The following VPS13C variants were observed in gnomAD, a reference collection of about 807,000 sequenced individuals.
The protein encoded by VPS13C is intermembrane lipid transfer protein VPS13C.
In VPS13C, 358 loss-of-function variants were observed where a neutral mutation model predicts 456.8. That is an observed-to-expected ratio of 0.78 (90% CI 0.72 to 0.86). The LOEUF is 0.86. Ranked by LOEUF, VPS13C falls within the 40% of genes least tolerant of loss-of-function variation. The pLI, the probability that VPS13C is intolerant of heterozygous loss-of-function variation, is 0.00. For missense variants in VPS13C, 4,818 were observed against 4,385.4 expected (o/e 1.10, Z -2.79); for synonymous variants, 1,578 against 1,486.7 (o/e 1.06, Z -1.41).
At position 61,854,885 on chromosome 15, in the gene VPS13C, T is replaced by G. The variant is rs1271672738; in HGVS notation, c.11146A>C (p.Thr3716Pro). The G allele has an allele frequency of 3.7e-6, 6 of 1,613,194 alleles. No individual in the cohort carries two copies. The East Asian group carries it at 1.3e-4, about 36-fold the overall frequency. ...AAATTGTTTACCTCTGCTGTGGCGGTGTCCTTCAGGTAAACTTTTCGAACA... is the reference window on the plus strand; with the variant it reads ...AAATTGTTTACCTCTGCTGTGGCGGGGTCCTTCAGGTAAACTTTTCGAACA... ...GCVRKVYLKD[T>P]ATAERACNAI... is the part of the protein sequence containing the mutation. The change falls in exon 84 of 85, where the codon ACC becomes CCC. Residue 3716 changes from threonine (T) to proline (P), a missense_variant. Around this residue, in one of 3 missense-constraint regions of VPS13C, gnomAD observed 261 missense variants for 234.1 expected, o/e 1.11. Transcript: ENST00000644861.
rs1893791235 is a variant in VPS13C, at chr15:61,854,301, A to C, written c.*156T>G. On this transcript the variant is annotated 3_prime_UTR_variant, in exon 85 of 85. Transcript: ENST00000644861. ...GTTACAAAATTAGAGTAAAAACTAA[A>C]AGGTGAAAAAACTAGAAAACCCAAT... The C allele has an allele frequency of 1.4e-6, 1 of 698,286 alleles. No homozygotes were observed. The highest frequency in any genetic ancestry group is 2.6e-5 in the Admixed American group (1 of 38,378). 43.3% of individuals were successfully genotyped at this position (698,286 alleles called of 1,614,324 possible).
intron 67 of VPS13C, 61 bp from the exon 68 acceptor site, chr15:61,884,330 T>C: frequency 1.3e-6 from 2 of 1,513,498 alleles, no homozygotes; most frequent in Non-Finnish European, 1.8e-6. Context: ...TGGAACTTTA[T>C]TCAACTCCAG....
chr15:61,964,646 C>T, intron 31 of VPS13C, 53 bp downstream of exon 31: 1 of 1,500,048 alleles, frequency 6.7e-7, no homozygotes, highest in Non-Finnish European at 9.0e-7. Context: ...CCTCATTTAG[C>T]TTTAGAATTC....
intron 66 of VPS13C, among the ~76,000 whole-genome samples, chr15:61,892,675 G>C (rs2042688050): frequency 6.6e-6 from 1 of 152,198 alleles, no homozygotes; most frequent in Non-Finnish European, 1.5e-5. Context: ...ACTCTGATAA[G>C]ACAGCCACGT....
chr15:61,934,555 C>A (rs1304641754), intron 48 of VPS13C, among the ~76,000 whole-genome samples: 2 of 152,058 alleles, frequency 1.3e-5, no homozygotes, highest in African/African-American at 4.8e-5. Flanking sequence ...GAGGCACAGG[C>A]AGACTATGTT....
rs777883195 is a variant in VPS13C at position 61,941,888 on chromosome 15, A to G, written c.5328T>C (p.Ala1776=). The stretch of plus-strand genomic sequence containing the variant: ...TGATTAAACCCAGATCTGCTATAAC[A>G]GCATTAGGTGATACTGAAGACTGAG... ...IIPQSSVSPN[A]VIADLGLIRV... The change falls in exon 46 of 85, where the codon GCT becomes GCC. Residue 1776 remains alanine (A), a synonymous_variant. Transcript: ENST00000644861. 1.2e-6 allele frequency: 2 copies of G among 1,614,062 alleles called. No homozygotes were observed. Among genetic ancestry groups the G allele is most frequent in the Admixed American group, 3.3e-5 (2 of 60,022 alleles).
chr15:61,967,415 A>T lies in VPS13C; in HGVS notation c.2944T>A (p.Ser982Thr). ...SKRKPLHLIS[S>T]SDKPGLDLLK... ...AGATCTAATCCAGGTTTGTCAGAAG[A>T]GCTAATCAAGTGAAGGGGCTTCCTT... Residue 982 changes from serine to threonine, a missense_variant, in exon 29 of 85, where the codon TCT (serine) becomes ACT (threonine). By Grantham distance (58) the Ser-to-Thr change is moderately conservative. This residue lies in a region of VPS13C where 4,552 missense variants were observed against 4,130.6 expected (regional missense o/e 1.10). Transcript: ENST00000644861. The T allele has an allele frequency of 5.0e-6, 8 of 1,605,440 alleles. No individual in the cohort carries two copies. Among genetic ancestry groups the T allele is most frequent in the Non-Finnish European group, 6.8e-6 (8 of 1,176,178 alleles).
At position 61,858,691 on chromosome 15, in the gene VPS13C, G is replaced by C. The variant is rs189938891; in HGVS notation, c.10953-2282C>G. The stretch of plus-strand genomic sequence containing the variant: ...ACCTAAGTTCATGGACTATAAATCT[G>C]CGTAAGAGACCAAGAAGTCAGAGAT... On this transcript the variant is annotated intron_variant, in intron 82 of 84. Coordinates refer to ENST00000644861, the MANE Select transcript of VPS13C (RefSeq NM_020821.3). This position sits in a 1 kb window ranked among gnomAD's most constrained non-coding sequence, Gnocchi z 4.4. Among the ~76,000 whole-genome samples the C allele has an allele frequency of 7.2e-4, 109 of 152,266 alleles. No individual in the cohort carries two copies. The highest frequency in any genetic ancestry group is 1.5e-3 in the Admixed American group (23 of 15,286).
At position 62,023,796 on chromosome 15, in the gene VPS13C, A is replaced by G; in HGVS notation, c.498T>C (p.Gly166=). 3 of 1,610,674 alleles carry G rather than the reference A, an allele frequency of 1.9e-6. No individual in the cohort carries two copies. Among genetic ancestry groups the G allele is most frequent in the Non-Finnish European group, 2.5e-6 (3 of 1,178,066 alleles). Residue 166 remains glycine (G), a synonymous_variant, in exon 7 of 85, where the codon GGT becomes GGC. Coordinates refer to ENST00000644861, the MANE Select transcript of VPS13C (RefSeq NM_020821.3). ...TTTACCTACCTTTTGAACGATCAAG[A>G]CCTTTAAAAGGTTTCTTAAAATGTT... is the stretch of plus-strand genomic sequence containing the variant. ...HKKHFKKPFK[G]LDRSKDKPKE...
chr15:61,924,387 A>G (rs1316638339), intron 53 of VPS13C, among the ~76,000 whole-genome samples: 1 of 152,180 alleles, frequency 6.6e-6, no homozygotes, highest in Non-Finnish European at 1.5e-5. Flanking sequence ...CTAGCACTGA[A>G]AGCTGTAATC....
At position 61,911,685 on chromosome 15, in the gene VPS13C, T is replaced by A. The variant is rs12906423; in HGVS notation, c.8715+155A>T. On this transcript the variant is annotated intron_variant, in intron 63 of 84. Transcript: ENST00000644861. Reference sequence around the variant, plus strand: ...ATTATCAAAACTTTTCTCCTTTTTTTAAAAATATAGTAAGAGAAAAATCTT... The same window carrying A: ...ATTATCAAAACTTTTCTCCTTTTTTAAAAAATATAGTAAGAGAAAAATCTT... Among the ~76,000 whole-genome samples, 59,255 of 152,012 alleles carry A rather than the reference T, an allele frequency of 0.39. 12,053 individuals carry two copies. Among genetic ancestry groups the A allele is most frequent in the Non-Finnish European group, 0.44 (29,569 of 67,938 alleles).
intron 3 of VPS13C, among the ~76,000 whole-genome samples, chr15:62,038,270 CAAATT>C (rs2140689291): frequency 6.6e-6 from 1 of 152,118 alleles, no homozygotes; most frequent in African/African-American, 2.4e-5. Context: ...GCAAGAAAAA[CAAATT>C]AAACAAATAG....
At chr15:62,013,335 C>G (rs946364494) in intron 10 of VPS13C, among the ~76,000 whole-genome samples, 1 of 151,824 alleles carries the variant, frequency 6.6e-6, no homozygotes, top group African/African-American at 2.4e-5. Context: ...TTCAAGAACA[C>G]TATTTCCAAG....
At chr15:61,883,007 C>T (rs1189319744) in intron 68 of VPS13C, among the ~76,000 whole-genome samples, 4 of 151,634 alleles carry the variant, frequency 2.6e-5, no homozygotes, top group South Asian at 2.1e-4. Context: ...CCTCAAGTAA[C>T]GAATAGTTCC....
At chr15:61,866,177 T>G in intron 81 of VPS13C, 1 of 984,984 alleles carries the variant, frequency 1.0e-6, no homozygotes, top group Non-Finnish European at 1.2e-6. Flanking sequence ...CAATTATCCA[T>G]GCCCACACTT....
intron 42 of VPS13C, 105 bp downstream of exon 42, chr15:61,949,335 GAGC>G: frequency 7.7e-7 from 1 of 1,292,250 alleles, no homozygotes; most frequent in Non-Finnish European, 1.1e-6. Flanking sequence ...TAACCTATCA[GAGC>G]AGCAATGTCA....
rs762016157 is a variant in VPS13C at position 61,909,108 on chromosome 15, C to T, written c.8862G>A (p.Val2954=). The T allele has an allele frequency of 6.2e-7, 1 of 1,612,318 alleles. No individual in the cohort carries two copies. The change falls in exon 65 of 85, where the codon GTG becomes GTA. Residue 2954 remains valine, a synonymous_variant. Transcript: ENST00000644861. ...SLEDLNGGIL[V]DVNTAEHSTV... is the part of the protein sequence containing the mutation. ...TTGAATGTTCGGCAGTGTTTACATCCACCAAGATACCCCCATTCTATTGTA... is the reference window on the plus strand; with the variant it reads ...TTGAATGTTCGGCAGTGTTTACATCTACCAAGATACCCCCATTCTATTGTA...
intron 66 of VPS13C, among the ~76,000 whole-genome samples, chr15:61,891,677 T>G (rs1222885836): frequency 6.6e-6 from 1 of 152,230 alleles, no homozygotes; most frequent in East Asian, 1.9e-4. Context: ...ATTCATTGCA[T>G]GAAGGTTTAT....
intron 81 of VPS13C, chr15:61,865,795 TG>T: frequency 1.4e-6 from 1 of 690,606 alleles, no homozygotes; most frequent in Non-Finnish European, 1.6e-6. Context: ...TATATATATG[TG>T]TGTGTGTATA....
Sources: allele counts gnomAD v4.1 joint callset (sites outside exome capture counted in the v4.1 genomes callset), GRCh38; gene constraint gnomAD v4.1.1; regional missense constraint gnomAD v4.1.1; non-coding constraint Gnocchi (gnomAD v3.1); transcripts MANE v1.5; gene names NCBI Gene and HGNC (gene_info 2026-07-23, HGNC 2026-07-21).